KAZN: variants seen among roughly 807,000 people sequenced by gnomAD.
The protein encoded by KAZN is kazrin, periplakin interacting protein, also known as kazrin.
A neutral mutation model predicts 87.4 loss-of-function variants in KAZN; 40 were observed. The observed-to-expected ratio is 0.46, with a 90% CI of 0.36 to 0.60. The LOEUF (loss-of-function observed/expected upper bound fraction) is 0.60, where lower values mean the gene tolerates loss of function less well. Ranked by LOEUF, KAZN falls within the 20% of genes least tolerant of loss-of-function variation. The pLI is 0.00. For synonymous variants in KAZN, 466 were observed against 458.3 expected, an observed-to-expected ratio of 1.02 and a Z score of -0.22; for missense variants, 898 against 1,073.9, an observed-to-expected ratio of 0.84 and a Z score of 2.29.
intron 8 of KAZN, among the ~76,000 whole-genome samples, chr1:15,083,408 C>A (rs572706855): frequency 6.6e-6 from 1 of 152,336 alleles, no homozygotes; most frequent in African/African-American, 2.4e-5. Context: ...CTGTGTCACT[C>A]CAGCCCAGGG....
chr1:14,921,225 A>C (rs1658489271), intron 1 of KAZN, among the ~76,000 whole-genome samples: 1 of 151,886 alleles, frequency 6.6e-6, no homozygotes, highest in Non-Finnish European at 1.5e-5. Flanking sequence ...ACTGAGTAAA[A>C]GTTACAGAGG....
chr1:14,424,118 T>C (rs545401038), intron 2 of KAZN, among the ~76,000 whole-genome samples: 2 of 152,330 alleles, frequency 1.3e-5, no homozygotes, highest in Admixed American at 6.5e-5. Context: ...CCAACTCACA[T>C]AGTAAACTTG....
chr1:14,347,299 A>G (rs938314957), intron 2 of KAZN, among the ~76,000 whole-genome samples: 1 of 152,196 alleles, frequency 6.6e-6, no homozygotes, highest in Non-Finnish European at 1.5e-5. Flanking sequence ...AACATGGACA[A>G]CTATACCAGC....
At chr1:14,600,339 GTC>G (rs1437065507) in intron 1 of KAZN, among the ~76,000 whole-genome samples, 1 of 152,172 alleles carries the variant, frequency 6.6e-6, no homozygotes, top group Non-Finnish European at 1.5e-5. Context: ...GGTTGAGAGA[GTC>G]TGTTTTCCTA....
chr1:14,467,674 CAAAAAAA>C (rs36034022), intron 2 of KAZN, among the ~76,000 whole-genome samples: 18 of 77,344 alleles, frequency 2.3e-4, no homozygotes, highest in Middle Eastern at 0.011. Context: ...ATCCAAAAGG[CAAAAAAA>C]AAAAAAAAAA....
chr1:15,053,194 C>A (rs1461814838), intron 4 of KAZN, among the ~76,000 whole-genome samples: 1 of 152,172 alleles, frequency 6.6e-6, no homozygotes, highest in Admixed American at 6.5e-5. Flanking sequence ...CCTAAGACTG[C>A]GAGTGTAGCA....
In KAZN at chr1:15,065,700, G is replaced by A. The variant is rs1639170641; in HGVS notation, c.1169G>A (p.Arg390His). The A allele has an allele frequency of 6.2e-7, 1 of 1,614,198 alleles. No individual in the cohort carries two copies. Residue 390 changes from arginine (R) to histidine (H), a missense_variant, in exon 8 of 15, where the codon CGC (arginine) becomes CAC (histidine). Arg to His is a conservative substitution (Grantham distance 29, BLOSUM62 0). This residue lies in a region of KAZN where 521 missense variants were observed against 689.4 expected (regional missense o/e 0.76). Transcript: ENST00000376030. The part of the protein sequence containing the change: ...KEKMGFGSIS[R>H]VFARGKQRKS... Reference sequence around the variant, plus strand: ...AAGATGGGATTCGGCTCCATCTCCCGCGTCTTCGCCAGAGGGAAGCAGCGG... The same window carrying A: ...AAGATGGGATTCGGCTCCATCTCCCACGTCTTCGCCAGAGGGAAGCAGCGG...
chr1:14,672,084 G>A (rs1474369750), intron 1 of KAZN, among the ~76,000 whole-genome samples: 1 of 150,450 alleles, frequency 6.6e-6, no homozygotes, highest in East Asian at 1.9e-4. Context: ...TTTTTCTTTT[G>A]GGAGATGTGT....
upstream of KAZN, among the ~76,000 whole-genome samples, chr1:14,597,322 CA>C (rs1380245645): frequency 2.0e-5 from 3 of 152,276 alleles, no homozygotes; most frequent in South Asian, 6.2e-4. Context: ...TTAGTGGTCA[CA>C]GGGGAATGGA....
chr1:14,749,813 C>T (rs907944636), intron 1 of KAZN, among the ~76,000 whole-genome samples: 9 of 152,052 alleles, frequency 5.9e-5, no homozygotes, highest in Admixed American at 3.9e-4. Context: ...TCTTGGGAGT[C>T]GTATCACCTC....
chr1:14,961,879 C>G (rs1468024346), intron 2 of KAZN, among the ~76,000 whole-genome samples: 1 of 152,194 alleles, frequency 6.6e-6, no homozygotes, highest in Non-Finnish European at 1.5e-5. Context: ...TCTTCCTTTA[C>G]CACCCCACAG....
chr1:14,959,924 C>T lies in KAZN; in HGVS notation c.227-760C>T, dbSNP rs866256127. On this transcript the variant is annotated intron_variant, in intron 1 of 14. Transcript: ENST00000376030. ...GGCACCCCACAGCCTGAGGAGACACCGTGTTCTCCTTGGCCCCATTTCTGG... is the reference window on the plus strand; with the variant it reads ...GGCACCCCACAGCCTGAGGAGACACTGTGTTCTCCTTGGCCCCATTTCTGG... 6.6e-5 allele frequency among the ~76,000 whole-genome samples: 10 copies of T among 152,128 alleles called. No homozygotes were observed. The South Asian group carries it at 1.2e-3, about 19-fold the overall frequency.
chr1:14,837,717 A>T (rs1039692752), intron 1 of KAZN, among the ~76,000 whole-genome samples: 2 of 150,530 alleles, frequency 1.3e-5, no homozygotes, highest in Admixed American at 1.3e-4. Context: ...ACCCCTGGAT[A>T]ATTATTATTA....
chr1:15,068,065 C>T (rs1639336362), intron 8 of KAZN: 1 of 863,008 alleles, frequency 1.2e-6, no homozygotes, highest in South Asian at 5.4e-5. Flanking sequence ...ACGAAAATAA[C>T]CTTTCCCGTG....
chr1:14,743,923 T>G lies in KAZN; in HGVS notation c.226+144700T>G, dbSNP rs572728882. Among the ~76,000 whole-genome samples, 284 of 152,170 alleles carry G rather than the reference T, an allele frequency of 1.9e-3. 2 individuals are homozygous for G. Among genetic ancestry groups the G allele is most frequent in the Admixed American group, 2.9e-3 (45 of 15,292 alleles). ...CAGAGGGGATCAATCTTACCTCAAC[T>G]GCAGACACCAAGAATGAGGTTTCCT... On this transcript the variant is annotated intron_variant, in intron 1 of 14. Transcript: ENST00000376030.
intron 1 of KAZN, among the ~76,000 whole-genome samples, chr1:14,896,718 G>A (rs1198587767): frequency 6.6e-6 from 1 of 152,162 alleles, no homozygotes; most frequent in African/African-American, 2.4e-5. Flanking sequence ...ACACTCCTGA[G>A]TGAGAATGCT....
intron 2 of KAZN, among the ~76,000 whole-genome samples, chr1:14,262,285 C>T (rs1484244453): frequency 2.0e-5 from 3 of 152,036 alleles, no homozygotes; most frequent in Admixed American, 6.6e-5. Flanking sequence ...ATTAAGCAGA[C>T]CATATAAGTG....
intron 2 of KAZN, among the ~76,000 whole-genome samples, chr1:14,186,225 T>C (rs1474706634): frequency 6.6e-6 from 1 of 152,198 alleles, no homozygotes; most frequent in African/African-American, 2.4e-5. Flanking sequence ...TTTAAAATGA[T>C]AATAAAATGG....
intron 1 of KAZN, among the ~76,000 whole-genome samples, chr1:14,716,308 A>G (rs1214557833): frequency 6.6e-6 from 1 of 152,170 alleles, no homozygotes; most frequent in African/African-American, 2.4e-5. Flanking sequence ...CTAGACATTT[A>G]TCGTTCAGGC....
Sources: allele counts gnomAD v4.1 joint callset (sites outside exome capture counted in the v4.1 genomes callset), GRCh38; gene constraint gnomAD v4.1.1; regional missense constraint gnomAD v4.1.1; transcripts MANE v1.5; gene names NCBI Gene and HGNC (gene_info 2026-07-23, HGNC 2026-07-21).